The following NBEAL1 variants were observed in gnomAD, a reference collection of about 807,000 sequenced individuals.
NBEAL1 encodes the protein neurobeachin-like protein 1.
NBEAL1 carries 273 observed loss-of-function variants against 351.3 expected under a neutral mutation model. That is an observed-to-expected ratio of 0.78 (90% CI 0.70 to 0.86). NBEAL1 has a LOEUF of 0.86. NBEAL1 is among the 40% of genes least tolerant of loss of function. The probability of loss-of-function intolerance (pLI) is 0.00; values close to 1 mark genes in which losing one functional copy is unlikely to be tolerated. For synonymous variants in NBEAL1, 1,050 were observed against 1,086.4 expected, an observed-to-expected ratio of 0.97 and a Z score of 0.66; for missense variants, 2,961 against 3,201.3, an observed-to-expected ratio of 0.92 and a Z score of 1.81.
chr2:203,089,912 T>G (rs1251349062), intron 10 of NBEAL1, among the ~76,000 whole-genome samples: 7 of 152,244 alleles, frequency 4.6e-5, no homozygotes, highest in Non-Finnish European at 7.3e-5. Context: ...CTGTTTTAAC[T>G]TAAAAAGAAT....
Position 203,107,862 on chromosome 2 carries a change from T to G in NBEAL1, c.1623T>G (p.Ile541Met). ...SLHQTCAENLIAIHGSLGSQS... is the reference protein window; with the variant it reads ...SLHQTCAENLMAIHGSLGSQS... ...ATCAAACTTGTGCTGAGAACTTGAT[T>G]GCAATCCATGGTTCCTTGGGGAGTC... is the stretch of plus-strand genomic sequence containing the variant. Residue 541 changes from isoleucine to methionine, a missense_variant, in exon 14 of 56, where the codon ATT (isoleucine) becomes ATG (methionine). Physicochemically the swap from Ile to Met is conservative, Grantham distance 10. Transcript: ENST00000683969. The G allele has an allele frequency of 6.4e-7, 1 of 1,554,390 alleles. No homozygotes were observed. The highest frequency in any genetic ancestry group is 8.7e-7 in the Non-Finnish European group (1 of 1,147,728).
At chr2:203,137,972 G>A (rs1285150542) in intron 29 of NBEAL1, among the ~76,000 whole-genome samples, 190 bp from the exon 30 acceptor site, 1 of 148,660 alleles carries the variant, frequency 6.7e-6, no homozygotes. Context: ...CGACAAGAGC[G>A]ATCTCTGCAC....
At chr2:203,152,942 G>A (rs1206372501) in intron 35 of NBEAL1, among the ~76,000 whole-genome samples, 3 of 152,044 alleles carry the variant, frequency 2.0e-5, no homozygotes, top group Admixed American at 2.0e-4. Context: ...AGAGGCTGAA[G>A]CAGGAGAATC....
intron 54 of NBEAL1, among the ~76,000 whole-genome samples, chr2:203,213,113 TAA>T (rs1221260233): frequency 1.3e-5 from 2 of 152,208 alleles, no homozygotes; most frequent in Non-Finnish European, 2.9e-5. Context: ...AAAGGGAACG[TAA>T]AGACTATTTA....
intron 7 of NBEAL1, among the ~76,000 whole-genome samples, chr2:203,077,261 T>C (rs1458798874): frequency 1.3e-5 from 2 of 151,848 alleles, no homozygotes; most frequent in African/African-American, 2.4e-5. Flanking sequence ...TCCCAGCTAC[T>C]CCGGAGGCTG....
intron 38 of NBEAL1, among the ~76,000 whole-genome samples, chr2:203,168,840 G>A (rs958707095): frequency 7.4e-6 from 1 of 135,472 alleles, no homozygotes; most frequent in African/African-American, 2.7e-5. Flanking sequence ...GTTACAGTGA[G>A]CCGAGATCAC....
At chr2:203,056,575 G>A (rs2061406071) in intron 5 of NBEAL1, 67 bp downstream of exon 5, 2 of 979,062 alleles carry the variant, frequency 2.0e-6, no homozygotes, top group Non-Finnish European at 3.2e-6. Context: ...TTGTTTGTTT[G>A]TTTGTTTTGA....
chr2:203,174,813 C>A (rs1038635833), intron 41 of NBEAL1, among the ~76,000 whole-genome samples: 1 of 151,462 alleles, frequency 6.6e-6, no homozygotes, highest in Admixed American at 6.6e-5. Flanking sequence ...ATGATGTGAA[C>A]CCAGGAGGCG....
At chr2:203,040,435 C>G in intron 2 of NBEAL1, 1 of 720,346 alleles carries the variant, frequency 1.4e-6, no homozygotes, top group South Asian at 1.4e-5. Context: ...CGTTGTAAGA[C>G]TTCGCCTGAA....
chr2:203,041,760 T>G lies in NBEAL1; in HGVS notation c.52-5T>G. On this transcript the variant is annotated splice_region_variant and splice_polypyrimidine_tract_variant and intron_variant, in intron 2 of 55. Coordinates refer to ENST00000683969, the MANE Select transcript of NBEAL1 (RefSeq NM_001378026.1). ...CTTAATATTATAATGGTTTTGTTATTTCAGAAAGATCCAGATTACCTGAAG... is the reference window on the plus strand; with the variant it reads ...CTTAATATTATAATGGTTTTGTTATGTCAGAAAGATCCAGATTACCTGAAG... 1 of 1,548,550 alleles carries G rather than the reference T, an allele frequency of 6.5e-7. No homozygotes were observed. Among genetic ancestry groups the G allele is most frequent in the Non-Finnish European group, 8.7e-7 (1 of 1,144,184 alleles).
At chr2:203,197,457 GAAAT>G (rs2065270458) in intron 48 of NBEAL1, 66 bp downstream of exon 48, 2 of 1,155,766 alleles carry the variant, frequency 1.7e-6, no homozygotes, top group South Asian at 1.3e-5. Flanking sequence ...AAAAAAAGAG[GAAAT>G]AAATATTTTT....
chr2:203,201,510 A>G, intron 49 of NBEAL1, 33 bp from the exon 50 acceptor site: 1 of 1,469,496 alleles, frequency 6.8e-7, no homozygotes, highest in Non-Finnish European at 9.1e-7. Context: ...GTGATCTTGT[A>G]AGGAAAAGTC....
chr2:203,185,233 T>G (rs1403409446), intron 44 of NBEAL1, among the ~76,000 whole-genome samples: 1 of 152,228 alleles, frequency 6.6e-6, no homozygotes, highest in Non-Finnish European at 1.5e-5. Context: ...TCCTCCTTGA[T>G]GGACTCTCCA....
At chr2:203,188,073 T>A (rs1247332445) in intron 44 of NBEAL1, among the ~76,000 whole-genome samples, 1 of 152,226 alleles carries the variant, frequency 6.6e-6, no homozygotes, top group African/African-American at 2.4e-5. Flanking sequence ...AAGTGTGGTT[T>A]CATTGTTTCC....
In NBEAL1 at chr2:203,145,110, A is replaced by T; in HGVS notation, c.5254A>T (p.Asn1752Tyr). 7 of 1,612,718 alleles carry T rather than the reference A, an allele frequency of 4.3e-6. No individual in the cohort carries two copies. The highest frequency in any genetic ancestry group is 5.9e-6 in the Non-Finnish European group (7 of 1,179,648). The stretch of plus-strand genomic sequence containing the variant: ...GGATTGTTATGAAGCTTTAATGGTA[A>T]ATATGCATAAACGAGACCGGGAAGG... The part of the protein sequence containing the change: ...WKDCYEALMV[N>Y]MHKRDREGGE... Residue 1752 changes from asparagine (N) to tyrosine (Y), a missense_variant, in exon 33 of 56, where the codon AAT becomes TAT. Asn to Tyr is a moderately radical substitution (Grantham distance 143). Coordinates refer to ENST00000683969, the MANE Select transcript of NBEAL1 (RefSeq NM_001378026.1).
In NBEAL1 at chr2:203,208,598, G is replaced by T. The variant is rs190237740; in HGVS notation, c.7507-39G>T. On this transcript the variant is annotated intron_variant, in intron 51 of 55. Coordinates refer to ENST00000683969, the MANE Select transcript of NBEAL1 (RefSeq NM_001378026.1). ...AAACCTTGTGAAAAACAGGAAACAA[G>T]AAACCACCTTTACCTTTGCTTTTCT... 242 of 1,463,250 alleles carry T rather than the reference G, an allele frequency of 1.7e-4. No individual in the cohort carries two copies. In the Middle Eastern group the frequency reaches 3.1e-3, roughly 19 times the overall value. 90.6% of individuals were successfully genotyped at this position (1,463,250 alleles called of 1,614,324 possible).
At position 203,126,028 on chromosome 2, in the gene NBEAL1, C is replaced by G; in HGVS notation, c.2920C>G (p.Pro974Ala). 6.5e-7 allele frequency: 1 copy of G among 1,543,682 alleles called. No individual in the cohort carries two copies. Among genetic ancestry groups the G allele is most frequent in the Non-Finnish European group, 8.7e-7 (1 of 1,143,658 alleles). The change falls in exon 21 of 56, where the codon CCT becomes GCT. Residue 974 changes from proline (P) to alanine (A), a missense_variant. By Grantham distance (27) the Pro-to-Ala change is conservative. Coordinates refer to ENST00000683969, the MANE Select transcript of NBEAL1 (RefSeq NM_001378026.1). ...LIVKHFIQRH[P>A]INQGNLIHSH... ...TGTGAAACATTTTATTCAGAGACAT[C>G]CTATCAACCAGGGCAATCTTATTCA...
chr2:203,094,967 C>A (rs927693592), intron 10 of NBEAL1, among the ~76,000 whole-genome samples: 3 of 151,712 alleles, frequency 2.0e-5, no homozygotes, highest in African/African-American at 7.3e-5. Flanking sequence ...ACTAAAAATA[C>A]AAAAAAATTA....
At chr2:203,080,152 GT>G (rs2061847576) in intron 8 of NBEAL1, among the ~76,000 whole-genome samples, 1 of 152,120 alleles carries the variant, frequency 6.6e-6, no homozygotes, top group East Asian at 1.9e-4. Flanking sequence ...GCTCACCCCT[GT>G]AATCACAGCA....
Sources: allele counts gnomAD v4.1 joint callset (sites outside exome capture counted in the v4.1 genomes callset), GRCh38; gene constraint gnomAD v4.1.1; transcripts MANE v1.5; gene names NCBI Gene and HGNC (gene_info 2026-07-23, HGNC 2026-07-21).